The following SLIT3 variants were observed in gnomAD, a reference collection of about 807,000 sequenced individuals.
SLIT3 encodes slit homolog 3 protein.
A neutral mutation model predicts 184.0 loss-of-function variants in SLIT3; 68 were observed. The observed-to-expected ratio is 0.37, with a 90% confidence interval of 0.30 to 0.45. The LOEUF is 0.45. SLIT3 is among the 20% of genes least tolerant of loss of function. SLIT3 has a pLI of 1.00. For synonymous variants in SLIT3, 831 were observed against 828.6 expected (o/e 1.00, Z -0.05); for missense variants, 1,707 against 2,026.0 (o/e 0.84, Z 3.02).
At chr5:169,218,473 A>G (rs1051890474) in intron 3 of SLIT3, among the ~76,000 whole-genome samples, 1 of 152,180 alleles carries the variant, frequency 6.6e-6, no homozygotes. Context: ...CATGCCCCAG[A>G]TCTGCTGATT....
intron 3 of SLIT3, among the ~76,000 whole-genome samples, chr5:169,211,884 G>A (rs1160433016): frequency 2.6e-5 from 4 of 152,162 alleles, no homozygotes; most frequent in Admixed American, 2.0e-4. Context: ...AGAACATGTG[G>A]TGTTTGGTTT....
intron 4 of SLIT3, among the ~76,000 whole-genome samples, chr5:168,913,584 G>A (rs545168718): frequency 2.6e-5 from 4 of 151,982 alleles, no homozygotes; most frequent in Admixed American, 6.5e-5. Context: ...CCTGGCCAAC[G>A]TGGTAAAACC....
chr5:168,779,269 C>A (rs1227737409), intron 12 of SLIT3, among the ~76,000 whole-genome samples: 1 of 152,190 alleles, frequency 6.6e-6, no homozygotes, highest in Non-Finnish European at 1.5e-5. Context: ...GAGCCAGTCC[C>A]CTCTCACTAA....
chr5:168,968,628 A>T (rs1296467487), intron 4 of SLIT3, among the ~76,000 whole-genome samples: 1 of 152,216 alleles, frequency 6.6e-6, no homozygotes, highest in African/African-American at 2.4e-5. Context: ...TCCAGTAGCA[A>T]TCTGCCTCCC....
intron 4 of SLIT3, among the ~76,000 whole-genome samples, chr5:168,991,460 T>A (rs1755325531): frequency 6.6e-6 from 1 of 152,146 alleles, no homozygotes; most frequent in South Asian, 2.1e-4. Flanking sequence ...GAGCCCCAGG[T>A]GCTGTGTGGG....
chr5:168,881,828 T>G (rs1561984537), intron 5 of SLIT3, among the ~76,000 whole-genome samples: 1 of 152,224 alleles, frequency 6.6e-6, no homozygotes, highest in Admixed American at 6.5e-5. Context: ...GGCTGTTTCT[T>G]GCGAGAAGCC....
intron 3 of SLIT3, among the ~76,000 whole-genome samples, chr5:169,218,902 C>T (rs973980239): frequency 1.3e-5 from 2 of 152,204 alleles, no homozygotes; most frequent in African/African-American, 4.8e-5. Flanking sequence ...GCCACCAACC[C>T]AGCCACGGTC....
chr5:169,006,632 A>AC (rs752430679), intron 4 of SLIT3, among the ~76,000 whole-genome samples: 40 of 133,050 alleles, frequency 3.0e-4, no homozygotes, highest in Middle Eastern at 7.0e-3. Context: ...CACACACACA[A>AC]CTCTCCAAGC....
At chr5:169,032,597 TCG>T (rs201435415) in intron 4 of SLIT3, among the ~76,000 whole-genome samples, 11,250 of 145,534 alleles carry the variant, frequency 0.077, 587 homozygotes, top group African/African-American at 0.15. Context: ...TGTTTTAGTT[TCG>T]TTTTTTTTTT....
chr5:168,669,784 T>G lies in SLIT3; in HGVS notation c.4335A>C (p.Gln1445His), dbSNP rs1426597303. ...QPGFSGEHCQQENPCLGQVVR... is the reference protein window; with the variant it reads ...QPGFSGEHCQHENPCLGQVVR... ...CTCCCACAGGCACAGTAGACCCACC[T>G]TGTTGGCAGTGCTCGCCGCTAAAGC... Residue 1445 changes from glutamine (Q) to histidine (H), a missense_variant and splice_region_variant, in exon 35 of 36, where the codon CAA becomes CAC. Transcript: ENST00000519560. 1 of 1,613,162 alleles carries G rather than the reference T, an allele frequency of 6.2e-7. No homozygotes were observed. Among genetic ancestry groups the G allele is most frequent in the East Asian group, 2.2e-5 (1 of 44,886 alleles).
intron 5 of SLIT3, among the ~76,000 whole-genome samples, chr5:168,880,797 G>A (rs57383064): frequency 0.055 from 8,365 of 152,234 alleles, 424 homozygotes; most frequent in African/African-American, 0.12. Flanking sequence ...GCTTCTAACC[G>A]CTAGGCTACA....
At chr5:169,067,291 A>C (rs1392786809) in intron 4 of SLIT3, among the ~76,000 whole-genome samples, 1 of 152,132 alleles carries the variant, frequency 6.6e-6, no homozygotes, top group Non-Finnish European at 1.5e-5. Context: ...CTGTAGTCCC[A>C]GCTACTCAGG....
chr5:168,991,431 G>C (rs60650584), intron 4 of SLIT3, among the ~76,000 whole-genome samples: 2 of 152,202 alleles, frequency 1.3e-5, no homozygotes, highest in Admixed American at 1.3e-4. Flanking sequence ...TACAGCCCCA[G>C]GCTTGGGAGG....
intron 32 of SLIT3, among the ~76,000 whole-genome samples, chr5:168,676,422 G>A (rs1342897083): frequency 1.3e-5 from 2 of 152,184 alleles, no homozygotes; most frequent in Non-Finnish European, 2.9e-5. Context: ...AGTCCACTGA[G>A]GAATCTGGTT....
intron 5 of SLIT3, among the ~76,000 whole-genome samples, chr5:168,873,845 A>C (rs1759629678): frequency 6.6e-6 from 1 of 152,176 alleles, no homozygotes; most frequent in Admixed American, 6.5e-5. Context: ...TCATACTTTT[A>C]ATCACTATAC....
chr5:168,897,512 G>C (rs1161136814), intron 4 of SLIT3, among the ~76,000 whole-genome samples: 1 of 151,910 alleles, frequency 6.6e-6, no homozygotes, highest in Non-Finnish European at 1.5e-5. Flanking sequence ...GAAAGCAAAA[G>C]AGAAATAAAA....
rs565483672 is a variant in SLIT3 at position 168,808,650 on chromosome 5, A to C, written c.794-2063T>G. On this transcript the variant is annotated intron_variant, in intron 8 of 35. Transcript: ENST00000519560. ...TCTGAGCTTTTTTTGGTGCCATGTC[A>C]GTGAATAAGGAGTTTGGATTGCATG... 8.5e-5 allele frequency among the ~76,000 whole-genome samples: 13 copies of C among 152,256 alleles called. 2 individuals carry two copies. In the South Asian group the frequency reaches 2.7e-3, roughly 32 times the overall value.
chr5:169,101,274 T>C (rs1760002386), intron 4 of SLIT3, among the ~76,000 whole-genome samples: 1 of 152,170 alleles, frequency 6.6e-6, no homozygotes, highest in Admixed American at 6.5e-5. Flanking sequence ...CCCAAGGTCA[T>C]TACTGGTCCC....
chr5:168,773,789 G>T lies in SLIT3; in HGVS notation c.1295+446C>A, dbSNP rs117630561. 1.6e-3 allele frequency among the ~76,000 whole-genome samples: 251 copies of T among 152,256 alleles called. 9 individuals are homozygous for T. In the East Asian group the frequency reaches 0.041, roughly 25 times the overall value. On this transcript the variant is annotated intron_variant, in intron 13 of 35. Coordinates refer to ENST00000519560, the MANE Select transcript of SLIT3 (RefSeq NM_003062.4). ...TGCTTGGTTTTGCAGGGTGGAGGGG[G>T]TTAAGCGGGGGCAGGAGTGGGCTAT...
Sources: gnomAD v4.1 joint callset for allele counts (sites outside exome capture counted in the v4.1 genomes callset) on GRCh38, gnomAD v4.1.1 for gene constraint, MANE v1.5 for transcripts, NCBI Gene and HGNC (gene_info 2026-07-23, HGNC 2026-07-21) for gene names.